ABCC11: variants seen among roughly 807,000 people sequenced by gnomAD.
ABCC11 encodes ATP-binding cassette sub-family C member 11.
A neutral mutation model predicts 149.3 loss-of-function variants in ABCC11; 135 were observed. The observed-to-expected ratio is 0.90, with a 90% CI of 0.79 to 1.04. The LOEUF (loss-of-function observed/expected upper bound fraction) is 1.04. Among genes scored for constraint, ABCC11 ranks in the 50% least tolerant of loss-of-function variants. The pLI is 0.00. For synonymous variants in ABCC11, 665 were observed against 671.4 expected (o/e 0.99, Z 0.15); for missense variants, 1,680 against 1,722.1 (o/e 0.98, Z 0.43).
chr16:48,178,504 C>A, intron 24 of ABCC11, 93 bp downstream of exon 24: 1 of 1,235,090 alleles, frequency 8.1e-7, no homozygotes, highest in South Asian at 1.3e-5. Context: ...GGGATGGTCT[C>A]AGGGCTCTGA....
chr16:48,224,074 C>A (rs903365326), intron 5 of ABCC11, among the ~76,000 whole-genome samples: 11 of 152,156 alleles, frequency 7.2e-5, no homozygotes, highest in Non-Finnish European at 1.2e-4. Context: ...TGGTTTGAAT[C>A]CAAGCAGTGG....
At chr16:48,230,357 G>C in intron 3 of ABCC11, 80 bp downstream of exon 3, 1 of 1,446,648 alleles carries the variant, frequency 6.9e-7, no homozygotes, top group Non-Finnish European at 9.2e-7. Flanking sequence ...TGCAACCTTC[G>C]TGAGAGGTCT....
At chr16:48,171,358 G>C (rs79250353) in intron 26 of ABCC11, among the ~76,000 whole-genome samples, 1 of 152,182 alleles carries the variant, frequency 6.6e-6, no homozygotes, top group Non-Finnish European at 1.5e-5. Context: ...CATGGGAGAC[G>C]TGCGGAGAGA....
intron 28 of ABCC11, 142 bp downstream of exon 28, chr16:48,169,963 T>TTGTTGTTGC (rs1469375311): frequency 8.2e-6 from 5 of 611,712 alleles, no homozygotes; most frequent in Non-Finnish European, 1.4e-5. Context: ...GTTGCTGTTG[T>TTGTTGTTGC]TGTTGTTGTT....
At chr16:48,188,051 G>A (rs1180975677) in intron 20 of ABCC11, among the ~76,000 whole-genome samples, 1 of 152,126 alleles carries the variant, frequency 6.6e-6, no homozygotes, top group Admixed American at 6.5e-5. Context: ...CTTGGAAGTT[G>A]CCACCCTTTT....
intron 10 of ABCC11, among the ~76,000 whole-genome samples, chr16:48,211,955 T>C (rs971627176): frequency 1.3e-5 from 2 of 152,208 alleles, no homozygotes; most frequent in Non-Finnish European, 2.9e-5. Context: ...AGAAGGATGC[T>C]TCCTGACATT....
chr16:48,212,579 A>G (rs1328845487), intron 10 of ABCC11, among the ~76,000 whole-genome samples: 1 of 152,198 alleles, frequency 6.6e-6, no homozygotes, highest in Non-Finnish European at 1.5e-5. Context: ...TATTGGCATC[A>G]TGGCTCTTCA....
At chr16:48,213,706 C>T (rs1364169710) in intron 9 of ABCC11, among the ~76,000 whole-genome samples, 156 bp from the exon 10 acceptor site, 1 of 152,210 alleles carries the variant, frequency 6.6e-6, no homozygotes, top group Non-Finnish European at 1.5e-5. Flanking sequence ...CTGGAAAAAG[C>T]TGGGGAAAGA....
rs1969240189 is a variant in ABCC11 at position 48,215,187 on chromosome 16, C to A, written c.1099+10G>T. 1 of 1,603,860 alleles carries A rather than the reference C, an allele frequency of 6.2e-7. No homozygotes were observed. The highest frequency in any genetic ancestry group is 2.2e-5 in the East Asian group (1 of 44,590). On this transcript the variant is annotated intron_variant, in intron 8 of 29. Coordinates refer to ENST00000356608, the MANE Select transcript of ABCC11 (RefSeq NM_001370497.1). ...ACCAGGTTTGGAGCAGAAAGTCAGA[C>A]TTTCCATACCTTCAATGATTTTTGC...
intron 14 of ABCC11, among the ~76,000 whole-genome samples, chr16:48,202,064 T>C (rs1968031408): frequency 1.3e-5 from 2 of 152,184 alleles, no homozygotes; most frequent in Admixed American, 1.3e-4. Context: ...TCCCCATTCA[T>C]TCATTTACTT....
chr16:48,187,636 T>C (rs991369451), intron 20 of ABCC11, among the ~76,000 whole-genome samples: 1 of 152,210 alleles, frequency 6.6e-6, no homozygotes, highest in African/African-American at 2.4e-5. Context: ...GGGCAAGTAC[T>C]GAGTTCCTCT....
intron 5 of ABCC11, 146 bp downstream of exon 5, chr16:48,224,136 G>C: frequency 9.1e-7 from 1 of 1,094,934 alleles, no homozygotes; most frequent in Non-Finnish European, 1.3e-6. Flanking sequence ...ATGCTCTACT[G>C]TCCTCAAAAG....
At chr16:48,222,527 C>T (rs1292461935) in intron 6 of ABCC11, 71 bp downstream of exon 6, 2 of 1,331,406 alleles carry the variant, frequency 1.5e-6, no homozygotes, top group African/African-American at 1.5e-5. Flanking sequence ...CCTCTCTTGG[C>T]CCCCAGGGCA....
Position 48,187,367 on chromosome 16 carries a change from A to C in ABCC11, c.2767T>G (p.Phe923Val). Reference protein sequence around the residue: ...TIPIGRLLNCFAGDLEQLDQL... With the variant: ...TIPIGRLLNCVAGDLEQLDQL... Reference sequence around the variant, plus strand: ...TCCAGCTGTTCCAAGTCCCCTGCGAAGCAGTTCAAAAGCCGGCCTATTGGG... The same window carrying C: ...TCCAGCTGTTCCAAGTCCCCTGCGACGCAGTTCAAAAGCCGGCCTATTGGG... The change falls in exon 21 of 30, where the codon TTC (phenylalanine) becomes GTC (valine). Residue 923 changes from phenylalanine to valine, a missense_variant. Transcript: ENST00000356608. 6.2e-7 allele frequency: 1 copy of C among 1,614,162 alleles called. No individual in the cohort carries two copies. Among genetic ancestry groups the C allele is most frequent in the Non-Finnish European group, 8.5e-7 (1 of 1,180,020 alleles).
chr16:48,233,701 G>T (rs1359581718), intron 1 of ABCC11, among the ~76,000 whole-genome samples: 2 of 152,218 alleles, frequency 1.3e-5, no homozygotes, highest in East Asian at 3.8e-4. Context: ...AGAGCAAGGG[G>T]TGGAGGCAGC....
chr16:48,178,432 C>T (rs985773243), intron 24 of ABCC11, among the ~76,000 whole-genome samples, 165 bp downstream of exon 24: 12 of 152,088 alleles, frequency 7.9e-5, no homozygotes, highest in Non-Finnish European at 1.3e-4. Context: ...AGAGCTTCAG[C>T]GAGATGGTCA....
chr16:48,230,446 G>A lies in ABCC11; in HGVS notation c.227C>T (p.Pro76Leu), dbSNP rs1206874836. The A allele has an allele frequency of 6.2e-7, 1 of 1,607,348 alleles. No homozygotes were observed. The highest frequency in any genetic ancestry group is 8.5e-7 in the Non-Finnish European group (1 of 1,177,230). The change falls in exon 3 of 30, where the codon CCC becomes CTC. Residue 76 changes from proline (P) to leucine (L), a missense_variant. Transcript: ENST00000356608. Reference sequence around the variant, plus strand: ...CCCCATCAGGACTCACCTCGGCTTGGGACGGAAGGGAATCATGGTTCTCAA... The same window carrying A: ...CCCCATCAGGACTCACCTCGGCTTGAGACGGAAGGGAATCATGGTTCTCAA... ...AALRTMIPFR[P>L]KPRFPAPQPL...
At chr16:48,215,987 T>C (rs1270726541) in intron 7 of ABCC11, 127 bp downstream of exon 7, 2 of 1,050,964 alleles carry the variant, frequency 1.9e-6, no homozygotes, top group Non-Finnish European at 2.8e-6. Flanking sequence ...GGAGTGGAGC[T>C]GAATCTTAAC....
intron 23 of ABCC11, 53 bp from the exon 24 acceptor site, chr16:48,178,739 G>C: frequency 6.9e-7 from 1 of 1,447,646 alleles, no homozygotes; most frequent in South Asian, 1.1e-5. Flanking sequence ...GTGTGCTCAG[G>C]CTCTTCAACG....
Sources: allele counts gnomAD v4.1 joint callset (sites outside exome capture counted in the v4.1 genomes callset), GRCh38; gene constraint gnomAD v4.1.1; transcripts MANE v1.5; gene names NCBI Gene and HGNC (gene_info 2026-07-23, HGNC 2026-07-21).